The following SPMIP7 variants were observed in gnomAD, a reference collection of about 807,000 sequenced individuals.
SPMIP7 encodes protein SPMIP7.
At chr7:50,120,531 A>C in the SPMIP7 span, 127,309 of 152,200 alleles carry the variant, frequency 0.84, 53,287 homozygotes, top group East Asian at 0.92. Context: ...ACTTACCTTC[A>C]CGCTGGTTTT....
the SPMIP7 span, among the ~76,000 whole-genome samples, chr7:50,122,044 A>T: frequency 9.2e-5 from 14 of 152,318 alleles, no homozygotes; most frequent in East Asian, 1.7e-3. Context: ...AAAATGATTT[A>T]AAAAATTCAA....
chr7:50,110,783 T>G, the SPMIP7 span, among the ~76,000 whole-genome samples: 3 of 132,426 alleles, frequency 2.3e-5, no homozygotes, highest in African/African-American at 5.8e-5. Context: ...AATGTATAAT[T>G]ATAACTAATA....
the SPMIP7 span, among the ~76,000 whole-genome samples, chr7:50,150,701 C>T: frequency 2.6e-5 from 4 of 152,188 alleles, no homozygotes; most frequent in African/African-American, 7.2e-5. Context: ...TCTTCACATT[C>T]CTTCCTCTGA....
At chr7:50,152,624 TC>T in the SPMIP7 span, among the ~76,000 whole-genome samples, 1 of 152,110 alleles carries the variant, frequency 6.6e-6, no homozygotes, top group African/African-American at 2.4e-5. Context: ...TTGTTCTAGA[TC>T]ACATTCTTTT....
At chr7:50,136,570 G>C in the SPMIP7 span, among the ~76,000 whole-genome samples, 1 of 151,928 alleles carries the variant, frequency 6.6e-6, no homozygotes, top group Admixed American at 6.6e-5. Context: ...AATAGGGAGG[G>C]CTTTATAAAC....
the SPMIP7 span, among the ~76,000 whole-genome samples, chr7:50,158,797 C>T: frequency 0.26 from 39,461 of 151,820 alleles, 5,983 homozygotes; most frequent in East Asian, 0.7. Context: ...AGGCACGGTG[C>T]GGTGGGGTTC....
chr7:50,124,794 T>C, the SPMIP7 span, among the ~76,000 whole-genome samples: 1 of 152,186 alleles, frequency 6.6e-6, no homozygotes, highest in South Asian at 2.1e-4. Flanking sequence ...TTAATGATAA[T>C]GTTTCAATAT....
the SPMIP7 span, among the ~76,000 whole-genome samples, chr7:50,109,424 G>A: frequency 3.9e-5 from 6 of 151,916 alleles, no homozygotes; most frequent in African/African-American, 4.8e-5. Flanking sequence ...TCACCCCAGC[G>A]GAGTGCAGCG....
chr7:50,111,576 G>A, the SPMIP7 span, among the ~76,000 whole-genome samples: 1 of 152,176 alleles, frequency 6.6e-6, no homozygotes, highest in African/African-American at 2.4e-5. Context: ...TATTGGCACA[G>A]CTGTCAGCAT....
chr7:50,134,194 T>C, the SPMIP7 span: 1 of 1,550,410 alleles, frequency 6.4e-7, no homozygotes. Context: ...GCTGACCCCA[T>C]CTCACAGTGT....
At chr7:50,120,370 G>A in the SPMIP7 span, 2 of 152,218 alleles carry the variant, frequency 1.3e-5, no homozygotes, top group African/African-American at 4.8e-5. Flanking sequence ...ATATTTTCCA[G>A]GGTTTAAATG....
the SPMIP7 span, among the ~76,000 whole-genome samples, chr7:50,145,786 A>G: frequency 1.3e-5 from 2 of 150,866 alleles, no homozygotes; most frequent in African/African-American, 4.9e-5. Context: ...AGCACAGCCC[A>G]TGCCTTCTGA....
chr7:50,117,280 A>T, the SPMIP7 span: 1 of 456,378 alleles, frequency 2.2e-6, no homozygotes, highest in Non-Finnish European at 4.4e-6. Flanking sequence ...AATAGAGGCC[A>T]ATCACATATT....
the SPMIP7 span, among the ~76,000 whole-genome samples, chr7:50,130,814 A>G: frequency 0.32 from 48,037 of 151,816 alleles, 8,527 homozygotes; most frequent in Non-Finnish European, 0.42. Flanking sequence ...TGAAGAGGGA[A>G]TATAGAGCAA....
chr7:50,146,509 A>G, the SPMIP7 span, among the ~76,000 whole-genome samples: 1 of 152,218 alleles, frequency 6.6e-6, no homozygotes, highest in Non-Finnish European at 1.5e-5. Flanking sequence ...TAATCAATAA[A>G]CCTGCAATTC....
At chr7:50,159,158 A>AT in the SPMIP7 span, 2 of 1,551,538 alleles carry the variant, frequency 1.3e-6, no homozygotes, top group Non-Finnish European at 1.7e-6. Context: ...CAAAGAAACC[A>AT]TAGACTACTA....
At chr7:50,099,168 C>T in the SPMIP7 span, among the ~76,000 whole-genome samples, 4 of 152,094 alleles carry the variant, frequency 2.6e-5, no homozygotes, top group African/African-American at 7.2e-5. Context: ...AGTATATGTC[C>T]AAAACTTCTG....
the SPMIP7 span, among the ~76,000 whole-genome samples, chr7:50,145,858 G>A: frequency 2.6e-5 from 4 of 151,330 alleles, no homozygotes; most frequent in South Asian, 4.2e-4. Context: ...AGCTGCCTAT[G>A]AGGTACCATC....
the SPMIP7 span, chr7:50,096,525 C>A: frequency 3.9e-6 from 6 of 1,551,638 alleles, no homozygotes; most frequent in Non-Finnish European, 5.2e-6. Flanking sequence ...AGACCAGACA[C>A]AGGATTTCAA....
Sources: gnomAD v4.1 joint callset for allele counts (sites outside exome capture counted in the v4.1 genomes callset) on GRCh38, gnomAD v4.1.1 for gene constraint, MANE v1.5 for transcripts, NCBI Gene and HGNC (gene_info 2026-07-23, HGNC 2026-07-21) for gene names.